FKBP7: variants seen among roughly 807,000 people sequenced by gnomAD.
FKBP7 encodes the protein FKBP prolyl isomerase 7.
Under a neutral mutation model 24.3 loss-of-function variants are expected in FKBP7, and 24 were observed. The observed-to-expected ratio is 0.99, with a 90% CI of 0.72 to 1.39. The LOEUF (loss-of-function observed/expected upper bound fraction) is 1.39, where lower values mean the gene tolerates loss of function less well. Ranked by LOEUF, FKBP7 falls within the 40% of genes most tolerant of loss-of-function variation. The pLI, the probability that FKBP7 is intolerant of heterozygous loss-of-function variation, is 0.00. For synonymous variants in FKBP7, 98 were observed against 92.8 expected (o/e 1.06, Z -0.32); for missense variants, 257 against 269.5 (o/e 0.95, Z 0.33).
chr2:178,474,306 G>T (rs542857771), intron 2 of FKBP7, among the ~76,000 whole-genome samples: 1 of 152,280 alleles, frequency 6.6e-6, no homozygotes, highest in African/African-American at 2.4e-5. Context: ...AGCCTATCAG[G>T]CTGCCCATCC....
intron 2 of FKBP7, chr2:178,473,097 A>G (rs372973275): frequency 1.2e-5 from 16 of 1,305,304 alleles, no homozygotes; most frequent in Non-Finnish European, 1.5e-5. Context: ...GTTCTGTGAC[A>G]TGAGACAAGG....
intron 2 of FKBP7, among the ~76,000 whole-genome samples, chr2:178,473,536 ATAAAT>A (rs994960864): frequency 6.6e-5 from 10 of 152,386 alleles, no homozygotes; most frequent in African/African-American, 2.2e-4. Flanking sequence ...ATATCTAAGC[ATAAAT>A]TAGTTTATGA....
Position 178,472,063 on chromosome 2 carries a change from ATTTCT to A in FKBP7, c.374-2283_374-2279del, listed in dbSNP as rs199817221. ...AGGCAAACTCAAAACACAAATTCAA[ATTTCT>A]TTTCTTTTCGTTTTTTTTTTTTTTT... is the stretch of plus-strand genomic sequence containing the variant. On this transcript the variant is annotated intron_variant, in intron 2 of 3. Coordinates refer to ENST00000424785, the MANE Select transcript of FKBP7 (RefSeq NM_181342.3). 5.9e-3 allele frequency among the ~76,000 whole-genome samples: 876 copies of A among 148,956 alleles called. 6 individuals carry two copies. The highest frequency in any genetic ancestry group is 0.021 in the African/African-American group (836 of 40,152).
chr2:178,469,670 C>A lies in FKBP7; in HGVS notation c.489G>T (p.Arg163Ser). The A allele has an allele frequency of 6.2e-7, 1 of 1,613,824 alleles. No individual in the cohort carries two copies. Among genetic ancestry groups the A allele is most frequent in the Non-Finnish European group, 8.5e-7 (1 of 1,179,924 alleles). ...TFKQIDMDND[R>S]QLSKAEINLY... ...GAATTACCTCGGCTTTAGAGAGCTG[C>A]CTGTCATTGTCCATGTCTATTTGTT... is the stretch of plus-strand genomic sequence containing the variant. Residue 163 changes from arginine to serine, a missense_variant, in exon 3 of 4, where the codon AGG (arginine) becomes AGT (serine). Transcript: ENST00000424785.
rs1239751213 is a variant in FKBP7 at position 178,478,436 on chromosome 2, T to TA, written c.63dup (p.Thr22TyrfsTer27). 1 of 1,614,198 alleles carries TA rather than the reference T, an allele frequency of 6.2e-7. No individual in the cohort carries two copies. Among genetic ancestry groups the TA allele is most frequent in the Non-Finnish European group, 8.5e-7 (1 of 1,180,040 alleles). On this transcript the variant is annotated frameshift_variant, in exon 1 of 4. Coordinates refer to ENST00000424785, the MANE Select transcript of FKBP7 (RefSeq NM_181342.3). LOFTEE classifies it high-confidence loss of function. ...TCCTCTTTCTTTTGTCTCTGAGCAGTAAAAAGGCCCCACAGATAAAAGAAA... is the reference window on the plus strand; with the variant it reads ...TCCTCTTTCTTTTGTCTCTGAGCAGTAAAAAAGGCCCCACAGATAAAAGAAA...
intron 3 of FKBP7, among the ~76,000 whole-genome samples, chr2:178,466,782 T>A (rs1285650495): frequency 6.6e-6 from 1 of 152,206 alleles, no homozygotes; most frequent in Admixed American, 6.5e-5. Context: ...TGTGTAACAA[T>A]TGTATTTCCT....
chr2:178,476,446 C>T (rs1280309209), intron 2 of FKBP7, among the ~76,000 whole-genome samples: 2 of 152,190 alleles, frequency 1.3e-5, no homozygotes, highest in South Asian at 4.1e-4. Context: ...CAACCAATCT[C>T]CAGAACTCTT....
intron 1 of FKBP7, among the ~76,000 whole-genome samples, 162 bp downstream of exon 1, chr2:178,478,113 TAGAG>T (rs1465036754): frequency 6.6e-6 from 1 of 152,200 alleles, no homozygotes; most frequent in African/African-American, 2.4e-5. Flanking sequence ...TTCAGTTTAT[TAGAG>T]AAACACTGCC....
intron 3 of FKBP7, among the ~76,000 whole-genome samples, chr2:178,466,762 T>A (rs1277057567): frequency 6.6e-6 from 1 of 152,216 alleles, no homozygotes; most frequent in Non-Finnish European, 1.5e-5. Flanking sequence ...ATAAAAATTT[T>A]AAAATTATAT....
chr2:178,469,453 A>G (rs2154126749), intron 3 of FKBP7, among the ~76,000 whole-genome samples, 199 bp downstream of exon 3: 1 of 152,344 alleles, frequency 6.6e-6, no homozygotes, highest in East Asian at 1.9e-4. Context: ...AGGCAATTGA[A>G]CAGGATGACT....
At position 178,477,043 on chromosome 2, in the gene FKBP7, T is replaced by G; in HGVS notation, c.373+19A>C. The G allele has an allele frequency of 6.5e-7, 1 of 1,545,754 alleles. No individual in the cohort carries two copies. The highest frequency in any genetic ancestry group is 8.7e-7 in the Non-Finnish European group (1 of 1,143,106). ...TTTTAAATATAACTAAAACAAGAAA[T>G]TAAAATTAAACATCTTACCATAGCC... On this transcript the variant is annotated intron_variant, in intron 2 of 3. Transcript: ENST00000424785.
intron 2 of FKBP7, among the ~76,000 whole-genome samples, chr2:178,475,121 C>T (rs1312915743): frequency 6.6e-6 from 1 of 152,122 alleles, no homozygotes; most frequent in African/African-American, 2.4e-5. Flanking sequence ...CAGGTGGTTT[C>T]CAACCTTTTG....
At chr2:178,474,741 G>A (rs1013185954) in intron 2 of FKBP7, among the ~76,000 whole-genome samples, 2 of 152,152 alleles carry the variant, frequency 1.3e-5, no homozygotes, top group Admixed American at 1.3e-4. Flanking sequence ...AGATTGGAGT[G>A]CAGTGGCACA....
At chr2:178,467,810 C>G (rs916300985) in intron 3 of FKBP7, 2 of 152,256 alleles carry the variant, frequency 1.3e-5, no homozygotes, top group African/African-American at 4.8e-5. Flanking sequence ...GAACGTGGCT[C>G]TTGGTGTGCC....
chr2:178,475,929 C>A (rs948179992), intron 2 of FKBP7, among the ~76,000 whole-genome samples: 1 of 152,134 alleles, frequency 6.6e-6, no homozygotes, highest in African/African-American at 2.4e-5. Flanking sequence ...CATTTGAAGG[C>A]TTGTCCTGTA....
At chr2:178,477,307 T>A in intron 1 of FKBP7, 94 bp from the exon 2 acceptor site, 1 of 1,243,808 alleles carries the variant, frequency 8.0e-7, no homozygotes, top group Non-Finnish European at 1.1e-6. Flanking sequence ...TCTCTAACCA[T>A]CATTCCCATA....
At chr2:178,470,993 T>C (rs1252748648) in intron 2 of FKBP7, among the ~76,000 whole-genome samples, 1 of 152,030 alleles carries the variant, frequency 6.6e-6, no homozygotes, top group African/African-American at 2.4e-5. Context: ...TTCTCCTACC[T>C]CAGCCTCCTG....
At chr2:178,470,293 G>T (rs769373534) in intron 2 of FKBP7, among the ~76,000 whole-genome samples, 18 of 152,160 alleles carry the variant, frequency 1.2e-4, no homozygotes, top group Non-Finnish European at 2.4e-4. Context: ...CATTGTATTA[G>T]ATATTATAAG....
chr2:178,470,942 A>G (rs758625573), intron 2 of FKBP7, among the ~76,000 whole-genome samples: 9 of 152,078 alleles, frequency 5.9e-5, no homozygotes, highest in Non-Finnish European at 1.0e-4. Flanking sequence ...CAGTGGTGCA[A>G]TCTCCGCTTA....
Sources: allele counts gnomAD v4.1 joint callset (sites outside exome capture counted in the v4.1 genomes callset), GRCh38; gene constraint gnomAD v4.1.1; transcripts MANE v1.5; gene names NCBI Gene and HGNC (gene_info 2026-07-23, HGNC 2026-07-21).